The following DPY19L3 variants were observed in gnomAD, a reference collection of about 807,000 sequenced individuals.
The protein encoded by DPY19L3 is dpy-19 like C-mannosyltransferase 3.
In DPY19L3, 51 loss-of-function variants were observed where a neutral mutation model predicts 92.3. That is an observed-to-expected ratio of 0.55 (90% CI 0.44 to 0.70). DPY19L3 has a LOEUF of 0.70. Ranked by LOEUF, DPY19L3 falls within the 30% of genes least tolerant of loss-of-function variation. The pLI, the probability that DPY19L3 is intolerant of heterozygous loss-of-function variation, is 0.00. For missense variants in DPY19L3, 706 were observed against 855.9 expected, an observed-to-expected ratio of 0.82 and a Z score of 2.18; for synonymous variants, 309 against 315.2, an observed-to-expected ratio of 0.98 and a Z score of 0.21.
At chr19:32,422,639 C>CACAT (rs1322958863) in intron 3 of DPY19L3, among the ~76,000 whole-genome samples, 5 of 151,312 alleles carry the variant, frequency 3.3e-5, no homozygotes, top group African/African-American at 1.2e-4. Context: ...AACACACACA[C>CACAT]ACACACACAC....
Position 32,436,472 on chromosome 19 carries a change from A to G in DPY19L3, c.355A>G (p.Lys119Glu). The change falls in exon 5 of 19, where the codon AAA (lysine) becomes GAA (glutamate). Residue 119 changes from lysine to glutamate, a missense_variant. Physicochemically the swap from Lys to Glu is moderately conservative, Grantham distance 56 (BLOSUM62 1). Coordinates refer to ENST00000392250, the MANE Select transcript of DPY19L3 (RefSeq NM_001172774.2). ...TTTTCATGGCCTAATATATGATAATAAAACTGAATCTATGAAGACAATTAA... is the reference window on the plus strand; with the variant it reads ...TTTTCATGGCCTAATATATGATAATGAAACTGAATCTATGAAGACAATTAA... Reference protein sequence around the residue: ...QGFHGLIYDNKTESMKTINLL... With the variant: ...QGFHGLIYDNETESMKTINLL... 1.3e-6 allele frequency: 2 copies of G among 1,554,160 alleles called. No homozygotes were observed. The highest frequency in any genetic ancestry group is 1.4e-5 in the African/African-American group (1 of 73,218).
intron 8 of DPY19L3, among the ~76,000 whole-genome samples, chr19:32,449,070 G>C (rs1304768016): frequency 6.6e-6 from 1 of 152,080 alleles, no homozygotes; most frequent in African/African-American, 2.4e-5. Context: ...TGGAAAAAAA[G>C]CATTTGTAAA....
chr19:32,411,503 G>A (rs1968180833), intron 3 of DPY19L3, 131 bp downstream of exon 3: 5 of 767,044 alleles, frequency 6.5e-6, no homozygotes, highest in Non-Finnish European at 8.1e-6. Flanking sequence ...GGACTATAGA[G>A]TGAAATAACT....
Position 32,464,747 on chromosome 19 carries a change from C to A in DPY19L3, c.1577C>A (p.Ser526Ter). The A allele has an allele frequency of 6.6e-7, 1 of 1,522,378 alleles. No homozygotes were observed. Among genetic ancestry groups the A allele is most frequent in the South Asian group, 1.2e-5 (1 of 81,656 alleles). The allele number at this position is 1,522,378 out of a possible 1,614,324, so 94.3% of individuals were successfully genotyped here. ...NPKRICIMRY[S>*]VPILILLYLC... ...ATATAGATATGTATAATGCGATATT[C>A]AGTACCGATATTAATACTGCTGTAT... The change falls in exon 15 of 19, where the codon TCA becomes TAA. Residue 526 changes from serine to a stop codon, truncating the protein, a stop_gained. Transcript: ENST00000392250. LOFTEE classifies it high-confidence loss of function.
intron 17 of DPY19L3, among the ~76,000 whole-genome samples, chr19:32,479,199 A>G (rs1456143792): frequency 1.3e-5 from 2 of 152,176 alleles, no homozygotes; most frequent in African/African-American, 4.8e-5. Context: ...ATTTGAATTC[A>G]GACTCCTGCT....
At chr19:32,456,434 T>A (rs1969868707) in intron 10 of DPY19L3, among the ~76,000 whole-genome samples, 1 of 151,652 alleles carries the variant, frequency 6.6e-6, no homozygotes, top group Admixed American at 6.6e-5. Flanking sequence ...AATTTCTAAA[T>A]TTTTTTTGCT....
chr19:32,463,584 G>C, intron 13 of DPY19L3, 96 bp downstream of exon 13: 1 of 1,393,772 alleles, frequency 7.2e-7, no homozygotes, highest in Non-Finnish European at 9.8e-7. Flanking sequence ...CTTCATTAAT[G>C]ATCATGGTTC....
chr19:32,436,617 G>A, intron 5 of DPY19L3, 50 bp downstream of exon 5: 1 of 1,363,438 alleles, frequency 7.3e-7, no homozygotes, highest in Non-Finnish European at 9.7e-7. Context: ...GTCAAAGTCT[G>A]CCATTTTGAA....
chr19:32,423,562 C>T (rs1206905565), intron 3 of DPY19L3, among the ~76,000 whole-genome samples: 3 of 151,804 alleles, frequency 2.0e-5, no homozygotes, highest in Admixed American at 6.6e-5. Flanking sequence ...CATGCCTGGC[C>T]GCCATTACTT....
intron 3 of DPY19L3, among the ~76,000 whole-genome samples, chr19:32,430,636 T>A (rs938903684): frequency 3.0e-4 from 45 of 152,150 alleles, no homozygotes; most frequent in South Asian, 8.3e-4. Flanking sequence ...TTATTTATTT[T>A]TTGAGGCAGG....
intron 3 of DPY19L3, among the ~76,000 whole-genome samples, chr19:32,415,886 T>C (rs1023974047): frequency 6.6e-5 from 10 of 152,190 alleles, no homozygotes; most frequent in Non-Finnish European, 1.2e-4. Flanking sequence ...AGATAGTCAC[T>C]AGAAGGCTAC....
At chr19:32,451,575 C>A (rs972641818) in intron 8 of DPY19L3, among the ~76,000 whole-genome samples, 1 of 152,122 alleles carries the variant, frequency 6.6e-6, no homozygotes, top group Non-Finnish European at 1.5e-5. Context: ...TGGGGATAAT[C>A]GGATTTGCTG....
intron 8 of DPY19L3, among the ~76,000 whole-genome samples, chr19:32,448,027 T>C (rs1969573371): frequency 6.6e-6 from 1 of 152,132 alleles, no homozygotes; most frequent in Non-Finnish European, 1.5e-5. Flanking sequence ...GAGTGATAGA[T>C]ACACGAAAAG....
In DPY19L3 at chr19:32,482,160, CT is replaced by C. The variant is rs753047963; in HGVS notation, c.2072del (p.Leu691ArgfsTer48). On this transcript the variant is annotated frameshift_variant, in exon 19 of 19. Coordinates refer to ENST00000392250, the MANE Select transcript of DPY19L3 (RefSeq NM_001172774.2). LOFTEE classifies it high-confidence loss of function. The stretch of plus-strand genomic sequence containing the variant: ...CTTCTGTGAAGAGATCAAAAGAAAC[CT>C]GCCTCCCTACGTGGCCTACTTCACC... ...PRFCEEIKRN[L>X]PPYVAYFTRV... The C allele has an allele frequency of 6.2e-7, 1 of 1,613,872 alleles. No homozygotes were observed. The highest frequency in any genetic ancestry group is 2.2e-5 in the East Asian group (1 of 44,850).
At position 32,458,606 on chromosome 19, in the gene DPY19L3, G is replaced by A. The variant is rs116589904; in HGVS notation, c.1322+97G>A. 3.5e-4 allele frequency: 440 copies of A among 1,250,788 alleles called. No homozygotes were observed. The African/African-American group carries it at 5.3e-3, about 15-fold the overall frequency. 77.5% of individuals were successfully genotyped at this position (1,250,788 alleles called of 1,614,324 possible). ...TTGAAAGTCAGAATATCAGACACAA[G>A]TAATAGTATTCATCTTAAAGGGGGA... On this transcript the variant is annotated intron_variant, in intron 12 of 18. Coordinates refer to ENST00000392250, the MANE Select transcript of DPY19L3 (RefSeq NM_001172774.2).
chr19:32,458,910 G>A (rs1368682876), intron 12 of DPY19L3, among the ~76,000 whole-genome samples: 3 of 152,192 alleles, frequency 2.0e-5, no homozygotes, highest in Non-Finnish European at 2.9e-5. Context: ...ACAAGCCATC[G>A]TGAACTGGTT....
intron 3 of DPY19L3, among the ~76,000 whole-genome samples, chr19:32,425,658 C>T (rs1568330286): frequency 6.6e-6 from 1 of 151,930 alleles, no homozygotes; most frequent in Non-Finnish European, 1.5e-5. Context: ...CACAGATAAC[C>T]AGATGCATTA....
At chr19:32,454,114 C>T (rs78171613) in intron 9 of DPY19L3, among the ~76,000 whole-genome samples, 42 of 152,104 alleles carry the variant, frequency 2.8e-4, no homozygotes, top group African/African-American at 9.6e-4. Context: ...AAATATTACT[C>T]GTATTTGAAC....
In DPY19L3 at chr19:32,447,577, C is replaced by T. The variant is rs141240502; in HGVS notation, c.856-5568C>T. Among the ~76,000 whole-genome samples, 985 of 151,936 alleles carry T rather than the reference C, an allele frequency of 6.5e-3. 7 individuals carry two copies. The highest frequency in any genetic ancestry group is 0.021 in the Admixed American group (314 of 15,224). On this transcript the variant is annotated intron_variant, in intron 8 of 18. Coordinates refer to ENST00000392250, the MANE Select transcript of DPY19L3 (RefSeq NM_001172774.2). ...ACTAAAAATAGAAAAATTAGCTGAC[C>T]GTGGTGGTGGGTACCTGTAATCCCA...
Sources: allele counts gnomAD v4.1 joint callset (sites outside exome capture counted in the v4.1 genomes callset), GRCh38; gene constraint gnomAD v4.1.1; transcripts MANE v1.5; gene names NCBI Gene and HGNC (gene_info 2026-07-23, HGNC 2026-07-21).